Variants in THY1 observed in about 807,000 individuals in gnomAD.
THY1 encodes the protein thy-1 membrane glycoprotein.
THY1 carries 10 observed loss-of-function variants against 14.9 expected under a neutral mutation model. The observed-to-expected ratio is 0.67, with a 90% CI of 0.41 to 1.14. The LOEUF is 1.14. THY1 is among the 50% of genes most tolerant of loss of function. The pLI, the probability that THY1 is intolerant of heterozygous loss-of-function variation, is 0.00. For synonymous variants in THY1, 80 were observed against 90.0 expected (o/e 0.89, Z 0.63); for missense variants, 159 against 202.1 (o/e 0.79, Z 1.29).
At position 119,420,286 on chromosome 11, in the gene THY1, T is replaced by C. The variant is rs1276441299; in HGVS notation, c.138A>G (p.Ser46=). Reference sequence around the variant, plus strand: ...TCAGGCTGAACTCGTACTGGATGGGTGAACTGCTGGTATTCTCATGGCGGC... The same window carrying C: ...TCAGGCTGAACTCGTACTGGATGGGCGAACTGCTGGTATTCTCATGGCGGC... The part of the protein sequence containing the change: ...LDCRHENTSS[S]PIQYEFSLTR... Residue 46 remains serine (S), a synonymous_variant, in exon 3 of 4, where the codon TCA becomes TCG. Coordinates refer to ENST00000284240, the MANE Select transcript of THY1 (RefSeq NM_006288.5). 6.2e-7 allele frequency: 1 copy of C among 1,614,116 alleles called. No individual in the cohort carries two copies. The highest frequency in any genetic ancestry group is 8.5e-7 in the Non-Finnish European group (1 of 1,180,052).
Position 119,418,930 on chromosome 11 carries a change from C to T in THY1, c.*478G>A, listed in dbSNP as rs1470111818. 2.1e-5 allele frequency: 4 copies of T among 192,340 alleles called. No individual in the cohort carries two copies. The highest frequency in any genetic ancestry group is 1.1e-4 in the Admixed American group (2 of 18,522). 11.9% of individuals were successfully genotyped at this position (192,340 alleles called of 1,614,324 possible). ...GTCTTCAGGCACCAGCCATGCCTGC[C>T]GAGGAGTGCTGTCAGGACAGACCAT... is the stretch of plus-strand genomic sequence containing the variant. On this transcript the variant is annotated 3_prime_UTR_variant, in exon 4 of 4. Transcript: ENST00000284240.
rs970866177 is a variant in THY1, at chr11:119,417,359, A to G, written c.*2049T>C. Reference sequence around the variant, plus strand: ...GCAGAGAAGTTGACGGGAGGTAGCAAGAGTGGGAGCCGGTGGCATAATTTA... The same window carrying G: ...GCAGAGAAGTTGACGGGAGGTAGCAGGAGTGGGAGCCGGTGGCATAATTTA... On this transcript the variant is annotated 3_prime_UTR_variant, in exon 4 of 4. Transcript: ENST00000284240. The G allele has an allele frequency of 1.3e-5, 2 of 152,394 alleles. No homozygotes were observed. The highest frequency in any genetic ancestry group is 4.8e-5 in the African/African-American group (2 of 41,464). 9.4% of individuals were successfully genotyped at this position (152,394 alleles called of 1,614,324 possible).
chr11:119,419,942 T>G, intron 3 of THY1, 109 bp downstream of exon 3: 23 of 1,201,302 alleles, frequency 1.9e-5, no homozygotes, highest in Non-Finnish European at 2.5e-5. Flanking sequence ...TGGGAGAGGG[T>G]GAGAGCGTTA....
rs754747131 is a variant in THY1 at position 119,417,792 on chromosome 11, G to C, written c.*1616C>G. 1 of 152,208 alleles carries C rather than the reference G, an allele frequency of 6.6e-6. No individual in the cohort carries two copies. Among genetic ancestry groups the C allele is most frequent in the Non-Finnish European group, 1.5e-5 (1 of 68,072 alleles). 9.4% of individuals were successfully genotyped at this position (152,208 alleles called of 1,614,324 possible). A position where few individuals can be genotyped will look rare whatever the true frequency, so the allele number is the denominator to read the frequency against. On this transcript the variant is annotated 3_prime_UTR_variant, in exon 4 of 4. Transcript: ENST00000284240. ...CTCGCAATAGTGGATGTGCCTGGAG[G>C]GTACATTTCTGAAGAACTACCAGAG...
rs1001205 is a variant in THY1, at chr11:119,422,002, T to C, written c.-24-1073A>G. The C allele has an allele frequency of 0.55, 84,094 of 152,184 alleles. 24,326 individuals carry two copies. Among genetic ancestry groups the C allele is most frequent in the East Asian group, 0.86 (4,456 of 5,164 alleles). The allele number at this position is 152,184 out of a possible 1,614,324, so 9.4% of individuals were successfully genotyped here. On this transcript the variant is annotated intron_variant, in intron 1 of 3. Transcript: ENST00000284240. The surrounding 1 kb of genome is among the most constrained non-coding windows in gnomAD (Gnocchi z 7.0). ...TGGCGAGGCGACGCGGAGCCGGTAG[T>C]CTAGCCTATCTGCAGAGCAGTGCTC...
At position 119,423,170 on chromosome 11, in the gene THY1, G is replaced by A; in HGVS notation, c.-82C>T. The A allele has an allele frequency of 4.4e-6, 2 of 455,630 alleles. No individual in the cohort carries two copies. The highest frequency in any genetic ancestry group is 8.8e-6 in the Non-Finnish European group (2 of 226,868). 28.2% of individuals were successfully genotyped at this position (455,630 alleles called of 1,614,324 possible). On this transcript the variant is annotated 5_prime_UTR_variant, in exon 1 of 4. Transcript: ENST00000284240. The stretch of plus-strand genomic sequence containing the variant: ...TCCAGACGCGCCGCCGCCTCCGGTT[G>A]CTGCACCCAGCTCGGAGCCCGCAGT...
At position 119,419,407 on chromosome 11, in the gene THY1, G is replaced by C. The variant is rs775715893; in HGVS notation, c.*1C>G. On this transcript the variant is annotated 3_prime_UTR_variant, in exon 4 of 4. Transcript: ENST00000284240. Reference sequence around the variant, plus strand: ...CCTGTCTCCTCCATGGGCCCCACCAGTCACAGGGACATGAAATCCGTGGCC... The same window carrying C: ...CCTGTCTCCTCCATGGGCCCCACCACTCACAGGGACATGAAATCCGTGGCC... 5.6e-6 allele frequency: 9 copies of C among 1,613,670 alleles called. No individual in the cohort carries two copies. The highest frequency in any genetic ancestry group is 7.6e-6 in the Non-Finnish European group (9 of 1,179,736).
rs1294077013 is a variant in THY1 at position 119,418,368 on chromosome 11, G to A, written c.*1040C>T. On this transcript the variant is annotated 3_prime_UTR_variant, in exon 4 of 4. Transcript: ENST00000284240. ...TCCATGGCTTGCCTCAGGCCCCGCAGAAGTCCCTGAGAAGGCAGGCCTGCG... is the reference window on the plus strand; with the variant it reads ...TCCATGGCTTGCCTCAGGCCCCGCAAAAGTCCCTGAGAAGGCAGGCCTGCG... 1 of 152,318 alleles carries A rather than the reference G, an allele frequency of 6.6e-6. No homozygotes were observed. Among genetic ancestry groups the A allele is most frequent in the African/African-American group, 2.4e-5 (1 of 41,472 alleles). 9.4% of individuals were successfully genotyped at this position (152,318 alleles called of 1,614,324 possible).
Position 119,419,197 on chromosome 11 carries a change from A to G in THY1, c.*211T>C. Reference sequence around the variant, plus strand: ...AAGCAGCTCTGGAACAAAAAGTACAAAAAGACAGCCAGAGGTGTGCGGAGA... The same window carrying G: ...AAGCAGCTCTGGAACAAAAAGTACAGAAAGACAGCCAGAGGTGTGCGGAGA... On this transcript the variant is annotated 3_prime_UTR_variant, in exon 4 of 4. Coordinates refer to ENST00000284240, the MANE Select transcript of THY1 (RefSeq NM_006288.5). 1 of 608,296 alleles carries G rather than the reference A, an allele frequency of 1.6e-6. No homozygotes were observed. Among genetic ancestry groups the G allele is most frequent in the Non-Finnish European group, 3.1e-6 (1 of 327,346 alleles). 37.7% of individuals were successfully genotyped at this position (608,296 alleles called of 1,614,324 possible). A position where few individuals can be genotyped will look rare whatever the true frequency, so the allele number is the denominator to read the frequency against.
rs1861821130 is a variant in THY1 at position 119,418,373 on chromosome 11, C to A, written c.*1035G>T. 6.6e-6 allele frequency: 1 copy of A among 152,316 alleles called. No individual in the cohort carries two copies. Among genetic ancestry groups the A allele is most frequent in the Admixed American group, 6.5e-5 (1 of 15,286 alleles). The allele number at this position is 152,316 out of a possible 1,614,324, so 9.4% of individuals were successfully genotyped here. A position where few individuals can be genotyped will look rare whatever the true frequency, so the allele number is the denominator to read the frequency against. ...GGCTTGCCTCAGGCCCCGCAGAAGT[C>A]CCTGAGAAGGCAGGCCTGCGGGGCA... On this transcript the variant is annotated 3_prime_UTR_variant, in exon 4 of 4. Coordinates refer to ENST00000284240, the MANE Select transcript of THY1 (RefSeq NM_006288.5).
In THY1 at chr11:119,417,411, C is replaced by T; in HGVS notation, c.*1997G>A. 6.6e-6 allele frequency: 1 copy of T among 152,198 alleles called. No homozygotes were observed. Among genetic ancestry groups the T allele is most frequent in the East Asian group, 1.9e-4 (1 of 5,198 alleles). The allele number at this position is 152,198 out of a possible 1,614,324, so 9.4% of individuals were successfully genotyped here. ...ATCTGAGGCCTTTAAGAAAAATGCT[C>T]AGAAACAATCATCCTACCCAGTGCT... On this transcript the variant is annotated 3_prime_UTR_variant, in exon 4 of 4. Transcript: ENST00000284240.
chr11:119,422,230 C>T lies in THY1; in HGVS notation c.-25+883G>A, dbSNP rs1861920116. ...CTCTGTCCCGGGGTGGAGCTGCTGC[C>T]CTGAGCCAGATCCAGGAGGAAGGGG... On this transcript the variant is annotated intron_variant, in intron 1 of 3. Coordinates refer to ENST00000284240, the MANE Select transcript of THY1 (RefSeq NM_006288.5). This position sits in a 1 kb window ranked among gnomAD's most constrained non-coding sequence, Gnocchi z 7.0. 6.6e-6 allele frequency: 1 copy of T among 152,378 alleles called. No individual in the cohort carries two copies. Among genetic ancestry groups the T allele is most frequent in the Non-Finnish European group, 1.5e-5 (1 of 68,194 alleles). 9.4% of individuals were successfully genotyped at this position (152,378 alleles called of 1,614,324 possible).
In THY1 at chr11:119,417,692, T is replaced by C. The variant is rs1861804835; in HGVS notation, c.*1716A>G. 1 of 152,274 alleles carries C rather than the reference T, an allele frequency of 6.6e-6. No individual in the cohort carries two copies. The allele number at this position is 152,274 out of a possible 1,614,324, so 9.4% of individuals were successfully genotyped here. On this transcript the variant is annotated 3_prime_UTR_variant, in exon 4 of 4. Transcript: ENST00000284240. ...AGGGACAGTATTTGTCCCCAGTCCT[T>C]TCTCCTGCCGATGCTTTTGGATTTA...
chr11:119,419,201 G>C lies in THY1; in HGVS notation c.*207C>G, dbSNP rs750854108. The C allele has an allele frequency of 1.3e-5, 8 of 613,894 alleles. No homozygotes were observed. The highest frequency in any genetic ancestry group is 2.4e-5 in the Non-Finnish European group (8 of 330,484). 38.0% of individuals were successfully genotyped at this position (613,894 alleles called of 1,614,324 possible). On this transcript the variant is annotated 3_prime_UTR_variant, in exon 4 of 4. Coordinates refer to ENST00000284240, the MANE Select transcript of THY1 (RefSeq NM_006288.5). ...AGCTCTGGAACAAAAAGTACAAAAA[G>C]ACAGCCAGAGGTGTGCGGAGAGGGT... is the stretch of plus-strand genomic sequence containing the variant.
At position 119,422,875 on chromosome 11, in the gene THY1, C is replaced by G. The variant is rs957916065; in HGVS notation, c.-25+238G>C. Among the ~76,000 whole-genome samples the G allele has an allele frequency of 6.6e-6, 1 of 152,250 alleles. No homozygotes were observed. Among genetic ancestry groups the G allele is most frequent in the African/African-American group, 2.4e-5 (1 of 41,476 alleles). On this transcript the variant is annotated intron_variant, in intron 1 of 3. Transcript: ENST00000284240. This position sits in a 1 kb window ranked among gnomAD's most constrained non-coding sequence, Gnocchi z 7.0. ...CGCCCCAGCCCCAGACACCAGTCCC[C>G]CAGCGGGCGAAAGCCCGGGAGCGCC... is the stretch of plus-strand genomic sequence containing the variant.
chr11:119,420,504 G>T, intron 2 of THY1, 118 bp from the exon 3 acceptor site: 1 of 975,864 alleles, frequency 1.0e-6, no homozygotes, highest in Non-Finnish European at 1.5e-6. Context: ...CTCTCTGAGT[G>T]CCTTTCCCCA....
chr11:119,419,667 C>T (rs1861857615), intron 3 of THY1, 147 bp from the exon 4 acceptor site: 3 of 643,494 alleles, frequency 4.7e-6, no homozygotes, highest in Admixed American at 2.8e-5. Flanking sequence ...CCCGGTCTCA[C>T]AGAACCAGCC....
Position 119,418,934 on chromosome 11 carries a change from G to C in THY1, c.*474C>G, listed in dbSNP as rs114912758. 5.3e-3 allele frequency: 1,024 copies of C among 193,096 alleles called. 6 individuals carry two copies. Among genetic ancestry groups the C allele is most frequent in the African/African-American group, 0.021 (899 of 42,994 alleles). The allele number at this position is 193,096 out of a possible 1,614,324, so 12.0% of individuals were successfully genotyped here. ...TCAGGCACCAGCCATGCCTGCCGAG[G>C]AGTGCTGTCAGGACAGACCATGTCC... On this transcript the variant is annotated 3_prime_UTR_variant, in exon 4 of 4. Transcript: ENST00000284240.
rs1260338958 is a variant in THY1 at position 119,417,439 on chromosome 11, A to G, written c.*1969T>C. 6.6e-6 allele frequency: 1 copy of G among 152,166 alleles called. No homozygotes were observed. Among genetic ancestry groups the G allele is most frequent in the Non-Finnish European group, 1.5e-5 (1 of 68,024 alleles). 9.4% of individuals were successfully genotyped at this position (152,166 alleles called of 1,614,324 possible). A position where few individuals can be genotyped will look rare whatever the true frequency, so the allele number is the denominator to read the frequency against. Reference sequence around the variant, plus strand: ...AAACAATCATCCTACCCAGTGCTAAATATCAGATGAGTCAGCCTCTGGGCA... The same window carrying G: ...AAACAATCATCCTACCCAGTGCTAAGTATCAGATGAGTCAGCCTCTGGGCA... On this transcript the variant is annotated 3_prime_UTR_variant, in exon 4 of 4. Coordinates refer to ENST00000284240, the MANE Select transcript of THY1 (RefSeq NM_006288.5).
Sources: allele counts gnomAD v4.1 joint callset (sites outside exome capture counted in the v4.1 genomes callset), GRCh38; gene constraint gnomAD v4.1.1; non-coding constraint Gnocchi (gnomAD v3.1); transcripts MANE v1.5; gene names NCBI Gene and HGNC (gene_info 2026-07-23, HGNC 2026-07-21).